Variants in NBPF20 observed in about 807,000 individuals in gnomAD.
NBPF20 encodes the protein NBPF member 20, also known as NBPF family member NBPF20.
Under a neutral mutation model 68.1 loss-of-function variants are expected in NBPF20, and 90 were observed. The ratio of observed to expected loss-of-function variants is 1.32; its 90% CI spans 1.11 to 1.58. The LOEUF (loss-of-function observed/expected upper bound fraction) is 1.58, where lower values mean the gene tolerates loss of function less well. Among genes scored for constraint, NBPF20 ranks in the 40% most tolerant of loss-of-function variants. The pLI, the probability that NBPF20 is intolerant of heterozygous loss-of-function variation, is 0.00. For synonymous variants in NBPF20, 290 were observed against 228.1 expected, an observed-to-expected ratio of 1.27 and a Z score of -2.45; for missense variants, 816 against 601.2, an observed-to-expected ratio of 1.36 and a Z score of -3.74.
exon 4 of NBPF20, chr1:145,402,250 T>G: frequency 6.2e-7 from 1 of 1,609,552 alleles, no homozygotes; most frequent in East Asian, 2.2e-5. Flanking sequence ...CTGGGACTTG[T>G]CCGGCTCATC....
chr1:145,290,388 C>T (rs1660989781), exon 138 of NBPF20: 1 of 149,342 alleles, frequency 6.7e-6, no homozygotes, highest in Non-Finnish European at 1.5e-5. Context: ...TCTCTGCCCG[C>T]AGATGGGCTG....
At chr1:145,424,979 C>T in the NBPF20 span, among the ~76,000 whole-genome samples, 19 of 152,270 alleles carry the variant, frequency 1.2e-4, 1 homozygote, top group South Asian at 2.3e-3. Flanking sequence ...GTGGTCTCGC[C>T]TCTCAGGTCC....
intron 7 of NBPF20, among the ~76,000 whole-genome samples, chr1:145,398,521 G>A (rs1488086008): frequency 1.3e-5 from 2 of 152,152 alleles, no homozygotes; most frequent in Admixed American, 6.5e-5. Flanking sequence ...GATGTTCTTT[G>A]AAACCAATGA....
At chr1:145,334,865 A>G (rs1661559966) in intron 83 of NBPF20, among the ~76,000 whole-genome samples, 1 of 138,854 alleles carries the variant, frequency 7.2e-6, no homozygotes, top group Non-Finnish European at 1.6e-5. Flanking sequence ...GAGAGGAGAA[A>G]GTAAGCTCAG....
intron 9 of NBPF20, 153 bp downstream of exon 14, chr1:145,393,731 T>A (rs1460337676): frequency 8.0e-6 from 12 of 1,506,968 alleles, no homozygotes; most frequent in Non-Finnish European, 1.1e-5. Context: ...CCTAAACATG[T>A]ACTCTAATGA....
At chr1:145,404,552 C>T (rs587630238) in intron 2 of NBPF20, among the ~76,000 whole-genome samples, 168 of 152,214 alleles carry the variant, frequency 1.1e-3, no homozygotes, top group African/African-American at 3.6e-3. Flanking sequence ...CCACGTTGCA[C>T]GGCCCCTACT....
At chr1:145,291,495 G>T (rs782606679) in exon 138 of NBPF20, 1 of 1,612,026 alleles carries the variant, frequency 6.2e-7, no homozygotes, top group Admixed American at 1.7e-5. Context: ...CTGCCTGCAG[G>T]AATGACATCT....
exon 6 of NBPF20, chr1:145,400,543 T>C (rs1265996594): frequency 0.02 from 32,599 of 1,612,786 alleles, 716 homozygotes; most frequent in Admixed American, 0.11. Context: ...TGATGGCACA[T>C]TCCTCCTGTG....
chr1:145,298,387 C>CAG (rs1179842371), intron 129 of NBPF20, among the ~76,000 whole-genome samples: 2 of 143,810 alleles, frequency 1.4e-5, no homozygotes, highest in Non-Finnish European at 3.0e-5. Flanking sequence ...CACACACACA[C>CAG]AGAGAGAGAG....
At chr1:145,393,659 C>T (rs1311570505) in intron 9 of NBPF20, 41 of 1,262,264 alleles carry the variant, frequency 3.2e-5, no homozygotes, top group Middle Eastern at 5.5e-4. Context: ...GAGAATACAG[C>T]TTTTGAGTTA....
At chr1:145,291,765 T>G (rs1553657771) in exon 138 of NBPF20, 4 of 1,611,822 alleles carry the variant, frequency 2.5e-6, no homozygotes, top group South Asian at 1.1e-5. Flanking sequence ...AGCACGCCGT[T>G]GAGCCTGGAA....
intron 7 of NBPF20, among the ~76,000 whole-genome samples, chr1:145,398,135 G>A (rs1662351096): frequency 6.6e-6 from 1 of 151,996 alleles, no homozygotes; most frequent in Admixed American, 6.6e-5. Context: ...CATCATGGGA[G>A]ACTTTAACAC....
chr1:145,292,261 G>A lies in NBPF20; in HGVS notation c.16697+120C>T, dbSNP rs1387414533. Reference sequence around the variant, plus strand: ...TACTGCAATGAAAACCAACAGCAATGACAGTAGGAGTAATTCAGCCTTCGT... The same window carrying A: ...TACTGCAATGAAAACCAACAGCAATAACAGTAGGAGTAATTCAGCCTTCGT... On this transcript the variant is annotated intron_variant, in intron 137 of 137. Coordinates refer to ENST00000369373, the Ensembl canonical transcript of NBPF20. 8.1e-6 allele frequency: 5 copies of A among 617,752 alleles called. No homozygotes were observed. In the Admixed American group the frequency reaches 8.7e-5, roughly 11 times the overall value. 38.3% of individuals were successfully genotyped at this position (617,752 alleles called of 1,614,324 possible).
chr1:145,394,316 A>T (rs1662106995), intron 8 of NBPF20, among the ~76,000 whole-genome samples: 1 of 151,636 alleles, frequency 6.6e-6, no homozygotes, highest in Non-Finnish European at 1.5e-5. Flanking sequence ...GAGATTGTGG[A>T]CACAGAGATT....
intron 8 of NBPF20, 132 bp from the exon 14 acceptor site, chr1:145,394,067 A>C: frequency 2.9e-6 from 2 of 696,496 alleles, no homozygotes; most frequent in Non-Finnish European, 5.2e-6. Flanking sequence ...TGAGAGAAAT[A>C]TTCCAGTAGG....
chr1:145,406,085 ATTT>A (rs587699811), upstream of NBPF20, among the ~76,000 whole-genome samples: 5 of 117,648 alleles, frequency 4.2e-5, no homozygotes, highest in East Asian at 2.4e-4. Context: ...CGCCCGGCTA[ATTT>A]TTTTTTTTTT....
At chr1:145,393,296 A>C (rs1553662548) in intron 9 of NBPF20, 50 bp from the exon 15 acceptor site, 1 of 671,404 alleles carries the variant, frequency 1.5e-6, no homozygotes, top group Admixed American at 2.2e-5. Flanking sequence ...ATCAGAAACC[A>C]CACAGCCCCA....
chr1:145,403,661 C>T (rs1352000955), intron 2 of NBPF20, among the ~76,000 whole-genome samples: 2 of 152,180 alleles, frequency 1.3e-5, no homozygotes, highest in Admixed American at 6.5e-5. Flanking sequence ...AAACACTGCA[C>T]TGGGGCATGA....
chr1:145,291,744 C>T (rs376765079), exon 138 of NBPF20: 2 of 1,611,914 alleles, frequency 1.2e-6, no homozygotes, highest in Non-Finnish European at 1.7e-6. Flanking sequence ...TCAGGCTCTT[C>T]CACTTCCATC....
Sources: gnomAD v4.1 joint callset for allele counts (sites outside exome capture counted in the v4.1 genomes callset) on GRCh38, gnomAD v4.1.1 for gene constraint, MANE v1.5 for transcripts, NCBI Gene and HGNC (gene_info 2026-07-23, HGNC 2026-07-21) for gene names.